FRY: variants seen among roughly 807,000 people sequenced by gnomAD.
FRY encodes protein furry homolog.
FRY carries 128 observed loss-of-function variants against 348.4 expected under a neutral mutation model. The ratio of observed to expected loss-of-function variants is 0.37; its 90% CI spans 0.32 to 0.43. FRY has a LOEUF of 0.43. Ranked by LOEUF, FRY falls within the 20% of genes least tolerant of loss-of-function variation. The probability of loss-of-function intolerance (pLI) is 1.00; values close to 1 mark genes in which losing one functional copy is unlikely to be tolerated. For missense variants in FRY, 2,736 were observed against 3,695.2 expected (o/e 0.74, Z 6.73); for synonymous variants, 1,370 against 1,374.7 (o/e 1.00, Z 0.08).
At chr13:32,151,002 G>A (rs1880756343) in intron 14 of FRY, among the ~76,000 whole-genome samples, 1 of 152,214 alleles carries the variant, frequency 6.6e-6, no homozygotes, top group Non-Finnish European at 1.5e-5. Flanking sequence ...AGGGGGCAGG[G>A]CCAGTGCCAA....
chr13:32,150,010 T>A (rs1449739926), intron 14 of FRY, among the ~76,000 whole-genome samples, 176 bp downstream of exon 14: 1 of 152,204 alleles, frequency 6.6e-6, no homozygotes, highest in African/African-American at 2.4e-5. Flanking sequence ...TTTGGATGAA[T>A]AGACTTAGAA....
intron 1 of FRY, among the ~76,000 whole-genome samples, chr13:32,054,776 G>A (rs1873532182): frequency 6.6e-6 from 1 of 152,210 alleles, no homozygotes; most frequent in African/African-American, 2.4e-5. Flanking sequence ...TCGGGAGGCT[G>A]AGGCAGGAGA....
At position 32,225,010 on chromosome 13, in the gene FRY, C is replaced by T; in HGVS notation, c.4994C>T (p.Pro1665Leu). Reference sequence around the variant, plus strand: ...CGAGAAGACTGGGCGCTTCATCTACCATTATTACTTCATGCTGTCTTCTTA... The same window carrying T: ...CGAGAAGACTGGGCGCTTCATCTACTATTATTACTTCATGCTGTCTTCTTA... ...SVREDWALHL[P>L]LLLHAVFLGL... Residue 1665 changes from proline to leucine, a missense_variant, in exon 38 of 61, where the codon CCA (proline) becomes CTA (leucine). By Grantham distance (98) the Pro-to-Leu change is moderately conservative. Coordinates refer to ENST00000542859, the MANE Select transcript of FRY (RefSeq NM_023037.3). 6.2e-7 allele frequency: 1 copy of T among 1,605,588 alleles called. No homozygotes were observed. Among genetic ancestry groups the T allele is most frequent in the Non-Finnish European group, 8.5e-7 (1 of 1,172,206 alleles).
chr13:32,056,963 A>G (rs930512882), intron 1 of FRY, among the ~76,000 whole-genome samples: 2 of 152,156 alleles, frequency 1.3e-5, no homozygotes, highest in Admixed American at 1.3e-4. Context: ...CAGCAAGTGT[A>G]TCCTCTCACT....
intron 1 of FRY, among the ~76,000 whole-genome samples, chr13:32,053,553 A>G (rs1306108451): frequency 1.3e-5 from 2 of 152,220 alleles, no homozygotes; most frequent in African/African-American, 4.8e-5. Context: ...CCAAGGTCCC[A>G]CGGCTTGTTA....
At chr13:32,254,527 TC>T in intron 51 of FRY, 133 bp downstream of exon 51, 1 of 963,116 alleles carries the variant, frequency 1.0e-6, no homozygotes, top group Non-Finnish European at 1.6e-6. Flanking sequence ...TTATTTTGAA[TC>T]AACTTATTCA....
chr13:32,131,324 T>A (rs1246651921), intron 7 of FRY, among the ~76,000 whole-genome samples: 2 of 152,218 alleles, frequency 1.3e-5, no homozygotes, highest in Admixed American at 1.3e-4. Context: ...TACTTCAGGC[T>A]CTGGGGTCTG....
chr13:32,052,921 C>T (rs1474452017), intron 1 of FRY, among the ~76,000 whole-genome samples: 1 of 152,166 alleles, frequency 6.6e-6, no homozygotes, highest in African/African-American at 2.4e-5. Context: ...CAAGACCAGC[C>T]TGGCCAACAT....
chr13:32,133,692 G>A (rs1316765769), intron 8 of FRY, among the ~76,000 whole-genome samples: 2 of 151,548 alleles, frequency 1.3e-5, no homozygotes, highest in Admixed American at 6.6e-5. Context: ...AGAAAATAAA[G>A]GGAAATAGCC....
In FRY at chr13:32,192,342, CGGCTGGAGTGCAGT is replaced by C. The variant is rs545645001; in HGVS notation, c.3592-1783_3592-1770del. Among the ~76,000 whole-genome samples, 168 of 151,794 alleles carry C rather than the reference CGGCTGGAGTGCAGT, an allele frequency of 1.1e-3. 6 individuals carry two copies. The South Asian group carries it at 0.015, about 13-fold the overall frequency. Reference sequence around the variant, plus strand: ...GAGACGGAGTCTCGCTCTGTCCCCCCGGCTGGAGTGCAGTGGCTGGAGTGCAGTGGCGCGATCTC... The same window carrying C: ...GAGACGGAGTCTCGCTCTGTCCCCCCGGCTGGAGTGCAGTGGCGCGATCTC... On this transcript the variant is annotated intron_variant, in intron 28 of 60. Transcript: ENST00000542859.
At chr13:32,067,876 A>G (rs781092858) in intron 1 of FRY, among the ~76,000 whole-genome samples, 2 of 152,216 alleles carry the variant, frequency 1.3e-5, no homozygotes, top group Non-Finnish European at 2.9e-5. Context: ...CAGTTTTTCT[A>G]TAGGCAGATA....
At chr13:32,138,573 G>C (rs1879861110) in intron 11 of FRY, among the ~76,000 whole-genome samples, 1 of 152,176 alleles carries the variant, frequency 6.6e-6, no homozygotes, top group African/African-American at 2.4e-5. Context: ...CCCCAGAGAG[G>C]AGCAGGCCTG....
intron 28 of FRY, among the ~76,000 whole-genome samples, 198 bp from the exon 29 acceptor site, chr13:32,193,945 G>A (rs905074168): frequency 1.3e-5 from 2 of 152,096 alleles, no homozygotes; most frequent in African/African-American, 4.8e-5. Flanking sequence ...AGACTTACAT[G>A]ATCAAATTTA....
At chr13:32,164,656 T>C (rs1046819674) in intron 17 of FRY, among the ~76,000 whole-genome samples, 2 of 152,216 alleles carry the variant, frequency 1.3e-5, no homozygotes, top group African/African-American at 4.8e-5. Flanking sequence ...TGTGGCTCCA[T>C]GGAAGCTTCA....
rs565642074 is a variant in FRY, at chr13:32,198,117, TC to T, written c.3746+3822del. 3.2e-4 allele frequency among the ~76,000 whole-genome samples: 49 copies of T among 152,324 alleles called. 1 individual carries two copies. The South Asian group carries it at 8.5e-3, about 26-fold the overall frequency. On this transcript the variant is annotated intron_variant, in intron 29 of 60. Transcript: ENST00000542859. ...TTCTTTCATTTTCTGGATCTGTTAT[TC>T]CTTTCAGTGTTGTTGCTTATGAATT... is the stretch of plus-strand genomic sequence containing the variant.
intron 55 of FRY, among the ~76,000 whole-genome samples, chr13:32,269,697 TA>T (rs34295224): frequency 0.67 from 84,925 of 126,224 alleles, 25,222 homozygotes; most frequent in East Asian, 0.93. Context: ...ATCTCCATTT[TA>T]AAAAAAAAAA....
intron 3 of FRY, among the ~76,000 whole-genome samples, chr13:32,115,617 G>A (rs1387064901): frequency 6.6e-6 from 1 of 151,838 alleles, no homozygotes; most frequent in African/African-American, 2.4e-5. Context: ...CAAAACCTTC[G>A]TCACATCAAT....
At chr13:32,227,986 G>C (rs956537137) in intron 39 of FRY, among the ~76,000 whole-genome samples, 1 of 152,140 alleles carries the variant, frequency 6.6e-6, no homozygotes, top group Non-Finnish European at 1.5e-5. Context: ...TCCTGACCTT[G>C]TGATCCACCC....
intron 3 of FRY, among the ~76,000 whole-genome samples, chr13:32,114,844 A>G (rs1199185922): frequency 6.6e-6 from 1 of 152,226 alleles, no homozygotes; most frequent in Non-Finnish European, 1.5e-5. Flanking sequence ...TTGCCACATC[A>G]TGATTAGCTT....
Sources: allele counts gnomAD v4.1 joint callset (sites outside exome capture counted in the v4.1 genomes callset), GRCh38; gene constraint gnomAD v4.1.1; transcripts MANE v1.5; gene names NCBI Gene and HGNC (gene_info 2026-07-23, HGNC 2026-07-21).